CACNB4: variants seen among roughly 807,000 people sequenced by gnomAD.
CACNB4 encodes voltage-dependent L-type calcium channel subunit beta-4.
CACNB4 carries 32 observed loss-of-function variants against 71.2 expected under a neutral mutation model. That is an observed-to-expected ratio of 0.45 (90% CI 0.34 to 0.60). CACNB4 has a LOEUF of 0.60. CACNB4 is among the 20% of genes least tolerant of loss of function. CACNB4 has a pLI of 0.01. For missense variants in CACNB4, 464 were observed against 647.9 expected (o/e 0.72, Z 3.08); for synonymous variants, 231 against 236.9 (o/e 0.97, Z 0.23).
At position 152,027,169 on chromosome 2, in the gene CACNB4, T is replaced by A. The variant is rs1437651554; in HGVS notation, c.147+71161A>T. Among the ~76,000 whole-genome samples the A allele has an allele frequency of 2.0e-5, 3 of 152,180 alleles. No individual in the cohort carries two copies. The East Asian group carries it at 5.8e-4, about 29-fold the overall frequency. On this transcript the variant is annotated intron_variant, in intron 2 of 13. Transcript: ENST00000539935. Reference sequence around the variant, plus strand: ...CCGCCCACCTCAGCCTCCCAAAGTGTTGAGATTACAGGCGTGAGCCAGGGC... The same window carrying A: ...CCGCCCACCTCAGCCTCCCAAAGTGATGAGATTACAGGCGTGAGCCAGGGC...
chr2:152,099,163 A>G, upstream of CACNB4: 1 of 523,528 alleles, frequency 1.9e-6, no homozygotes, highest in South Asian at 2.9e-5. Context: ...CGCACTTCGG[A>G]GAGCGCGGCA....
intron 2 of CACNB4, among the ~76,000 whole-genome samples, chr2:151,926,384 A>G (rs1011684176): frequency 2.0e-4 from 31 of 152,334 alleles, no homozygotes; most frequent in African/African-American, 7.5e-4. Flanking sequence ...AACCCTGACA[A>G]GAACAGTTTC....
chr2:152,015,581 T>C (rs2105091729), intron 2 of CACNB4, among the ~76,000 whole-genome samples: 1 of 152,342 alleles, frequency 6.6e-6, no homozygotes, highest in Non-Finnish European at 1.5e-5. Flanking sequence ...GGATTTGCTT[T>C]GGAAAATGAA....
rs149528086 is a variant in CACNB4 at position 152,059,312 on chromosome 2, C to T, written c.147+39018G>A. 1.9e-4 allele frequency among the ~76,000 whole-genome samples: 29 copies of T among 152,328 alleles called. No homozygotes were observed. In the East Asian group the frequency reaches 5.6e-3, roughly 29 times the overall value. On this transcript the variant is annotated intron_variant, in intron 2 of 13. Transcript: ENST00000539935. ...GTGTGTGCCTGGAAAAGCTGCAGAC[C>T]CTCAACGGCAGCCGTGAAAGCAGCC...
At chr2:151,843,203 C>T (rs1180229279) in intron 12 of CACNB4, among the ~76,000 whole-genome samples, 1 of 152,232 alleles carries the variant, frequency 6.6e-6, no homozygotes. Context: ...GCTGGGAACA[C>T]AGACAGGATA....
rs1367815693 is a variant in CACNB4 at position 152,075,845 on chromosome 2, G to A, written c.147+22485C>T. ...AGCCACCAGAAGATTAAGAGCTGAG[G>A]CCAAAGTCAGTGCTGCCCACAGTCT... On this transcript the variant is annotated intron_variant, in intron 2 of 13. Transcript: ENST00000539935. Among the ~76,000 whole-genome samples, 5 of 152,330 alleles carry A rather than the reference G, an allele frequency of 3.3e-5. No individual in the cohort carries two copies. In the East Asian group the frequency reaches 7.7e-4, roughly 23 times the overall value.
chr2:152,076,317 G>GTTTTTTTTTT (rs5835407), intron 2 of CACNB4, among the ~76,000 whole-genome samples: 2 of 122,490 alleles, frequency 1.6e-5, no homozygotes, highest in Non-Finnish European at 3.4e-5. Flanking sequence ...AATTTTTTGG[G>GTTTTTTTTTT]TTTTTTTTTT....
chr2:152,029,285 G>A (rs1684136007), intron 2 of CACNB4, among the ~76,000 whole-genome samples: 1 of 151,904 alleles, frequency 6.6e-6, no homozygotes, highest in Admixed American at 6.6e-5. Context: ...ACGAGGTCAG[G>A]AGTTCGAGAC....
intron 2 of CACNB4, among the ~76,000 whole-genome samples, chr2:152,018,660 G>A (rs997513317): frequency 6.6e-6 from 1 of 151,976 alleles, no homozygotes; most frequent in African/African-American, 2.4e-5. Context: ...AAAATTATCT[G>A]AGCGTGGTGG....
chr2:152,010,222 AC>A (rs1323364151), intron 2 of CACNB4, among the ~76,000 whole-genome samples: 1 of 152,236 alleles, frequency 6.6e-6, no homozygotes, highest in South Asian at 2.1e-4. Flanking sequence ...GGAAGTAAGC[AC>A]CATTAAAATC....
intron 2 of CACNB4, among the ~76,000 whole-genome samples, chr2:151,960,361 A>G (rs750547802): frequency 1.3e-5 from 2 of 152,216 alleles, no homozygotes; most frequent in Non-Finnish European, 2.9e-5. Flanking sequence ...TTCTGTAAGC[A>G]TAAGGACCAG....
intron 2 of CACNB4, among the ~76,000 whole-genome samples, chr2:151,928,471 G>A (rs750091360): frequency 3.9e-5 from 6 of 152,148 alleles, no homozygotes; most frequent in Non-Finnish European, 7.4e-5. Context: ...TCCCTAAAGG[G>A]ACAGGTGTGA....
At chr2:152,061,340 A>C (rs1440725047) in intron 2 of CACNB4, among the ~76,000 whole-genome samples, 3 of 152,168 alleles carry the variant, frequency 2.0e-5, no homozygotes, top group African/African-American at 7.2e-5. Context: ...GTTTTTAAAA[A>C]TATCTGAAAT....
intron 8 of CACNB4, chr2:151,870,174 T>C (rs2099844238): frequency 3.1e-6 from 2 of 651,110 alleles, no homozygotes; most frequent in South Asian, 1.8e-5. Context: ...TGATTGTTTG[T>C]CCTCTTGTGC....
intron 2 of CACNB4, among the ~76,000 whole-genome samples, chr2:151,987,327 G>C (rs1208463572): frequency 6.6e-6 from 1 of 152,044 alleles, no homozygotes; most frequent in Non-Finnish European, 1.5e-5. Flanking sequence ...AGCTCAGTGG[G>C]GGGCAGCACT....
chr2:151,932,139 G>A (rs1027434304), intron 2 of CACNB4, among the ~76,000 whole-genome samples: 3 of 152,082 alleles, frequency 2.0e-5, no homozygotes, highest in African/African-American at 7.2e-5. Flanking sequence ...ATATATCACT[G>A]AGTTGTTACA....
At chr2:151,992,829 C>A (rs893342020) in intron 2 of CACNB4, among the ~76,000 whole-genome samples, 7 of 152,234 alleles carry the variant, frequency 4.6e-5, no homozygotes, top group Non-Finnish European at 7.3e-5. Context: ...ATTTCACATC[C>A]TTTGACTGAC....
At chr2:152,053,155 C>G (rs1489927697) in intron 2 of CACNB4, among the ~76,000 whole-genome samples, 2 of 152,086 alleles carry the variant, frequency 1.3e-5, no homozygotes, top group Non-Finnish European at 2.9e-5. Context: ...TGGCTGAGAA[C>G]CCCTAGGTAG....
At chr2:151,896,763 C>A (rs1424824978) in intron 2 of CACNB4, among the ~76,000 whole-genome samples, 2 of 152,134 alleles carry the variant, frequency 1.3e-5, no homozygotes, top group African/African-American at 4.8e-5. Context: ...TTTAGTTTAA[C>A]CTTTGGAACT....
Sources: allele counts gnomAD v4.1 joint callset (sites outside exome capture counted in the v4.1 genomes callset), GRCh38; gene constraint gnomAD v4.1.1; transcripts MANE v1.5; gene names NCBI Gene and HGNC (gene_info 2026-07-23, HGNC 2026-07-21).